The following DHX29 variants were observed in gnomAD, a reference collection of about 807,000 sequenced individuals.
The protein encoded by DHX29 is ATP-dependent RNA helicase DHX29.
Under a neutral mutation model 167.9 loss-of-function variants are expected in DHX29, and 79 were observed. That is an observed-to-expected ratio of 0.47 (90% CI 0.39 to 0.57). The LOEUF is 0.57. DHX29 is among the 20% of genes least tolerant of loss of function. The pLI is 0.00. For missense variants in DHX29, 1,347 were observed against 1,593.4 expected, an observed-to-expected ratio of 0.85 and a Z score of 2.63; for synonymous variants, 530 against 546.0, an observed-to-expected ratio of 0.97 and a Z score of 0.41.
Position 55,289,448 on chromosome 5 carries a change from A to G in DHX29, c.908-20T>C. 4.6e-6 allele frequency: 7 copies of G among 1,507,616 alleles called. No individual in the cohort carries two copies. Among genetic ancestry groups the G allele is most frequent in the Non-Finnish European group, 6.2e-6 (7 of 1,137,140 alleles). The allele number at this position is 1,507,616 out of a possible 1,614,324, so 93.4% of individuals were successfully genotyped here. ...CCATTTCTACCAAGAAAAAAATATAATGTTTAGTTTCATGGTTTTAAAAAA... is the reference window on the plus strand; with the variant it reads ...CCATTTCTACCAAGAAAAAAATATAGTGTTTAGTTTCATGGTTTTAAAAAA... On this transcript the variant is annotated intron_variant, in intron 7 of 26. Transcript: ENST00000251636.
intron 12 of DHX29, among the ~76,000 whole-genome samples, chr5:55,277,829 C>T (rs977822084): frequency 7.4e-5 from 11 of 148,988 alleles, no homozygotes; most frequent in African/African-American, 2.5e-4. Context: ...TCACTTGAAC[C>T]GAGGAGACAG....
At chr5:55,265,989 C>G (rs1372230424) in intron 23 of DHX29, among the ~76,000 whole-genome samples, 1 of 145,404 alleles carries the variant, frequency 6.9e-6, no homozygotes, top group African/African-American at 2.5e-5. Flanking sequence ...CTCCTTTCAA[C>G]TTTTTTTTTT....
chr5:55,282,895 G>A (rs1747506223), intron 11 of DHX29: 1 of 190,988 alleles, frequency 5.2e-6, no homozygotes, highest in Admixed American at 5.9e-5. Context: ...AGTAGAATTT[G>A]AGTTTGTCCA....
intron 1 of DHX29, among the ~76,000 whole-genome samples, chr5:55,300,783 G>A (rs1277125040): frequency 6.6e-6 from 1 of 152,170 alleles, no homozygotes; most frequent in African/African-American, 2.4e-5. Context: ...AATAATATCC[G>A]TTTTTGCAAA....
At chr5:55,298,487 A>G in intron 2 of DHX29, 104 bp downstream of exon 2, 1 of 681,444 alleles carries the variant, frequency 1.5e-6, no homozygotes, top group Admixed American at 2.7e-5. Flanking sequence ...TATTTACAAA[A>G]ATTTAAAACA....
chr5:55,290,970 G>A (rs1262764129), intron 6 of DHX29, among the ~76,000 whole-genome samples: 5 of 152,088 alleles, frequency 3.3e-5, no homozygotes, highest in East Asian at 3.9e-4. Context: ...AGCTGAGATC[G>A]TACCACTGCA....
Position 55,307,606 on chromosome 5 carries a change from C to T in DHX29, c.-33G>A, listed in dbSNP as rs1156375796. On this transcript the variant is annotated 5_prime_UTR_variant, in exon 1 of 27. Transcript: ENST00000251636. ...CTGTGGCAGAAGATCCTTCGCGGCC[C>T]AGGCCCCGACGGTACCACTGCACAG... 1.2e-6 allele frequency: 2 copies of T among 1,610,092 alleles called. No individual in the cohort carries two copies. The highest frequency in any genetic ancestry group is 1.7e-6 in the Non-Finnish European group (2 of 1,179,488).
chr5:55,298,528 T>C, intron 2 of DHX29, 63 bp downstream of exon 2: 2 of 1,001,170 alleles, frequency 2.0e-6, no homozygotes, highest in South Asian at 1.4e-5. Context: ...TAAGGATACA[T>C]CTTTTTTGGG....
chr5:55,301,321 G>T (rs1183612310), intron 1 of DHX29, among the ~76,000 whole-genome samples: 3 of 152,128 alleles, frequency 2.0e-5, no homozygotes, highest in Non-Finnish European at 4.4e-5. Context: ...AAACATCTCA[G>T]AATTATTATG....
At chr5:55,307,287 A>C (rs548410827) in intron 1 of DHX29, 100 bp downstream of exon 1, 1 of 1,006,540 alleles carries the variant, frequency 9.9e-7, no homozygotes, top group Non-Finnish European at 1.4e-6. Flanking sequence ...GGAAATAGAA[A>C]TGTTGGGCCC....
chr5:55,307,664 C>T lies in DHX29; in HGVS notation c.-91G>A. On this transcript the variant is annotated 5_prime_UTR_variant, in exon 1 of 27. Coordinates refer to ENST00000251636, the MANE Select transcript of DHX29 (RefSeq NM_019030.4). ...CTCTTCACATTCCCCGGCTCCGGGG[C>T]TGCCACCCTGCGCTTCGATCCGGGC... 4 of 1,485,880 alleles carry T rather than the reference C, an allele frequency of 2.7e-6. No homozygotes were observed. In the South Asian group the frequency reaches 3.6e-5, roughly 13 times the overall value. 92.0% of individuals were successfully genotyped at this position (1,485,880 alleles called of 1,614,324 possible). A position where few individuals can be genotyped will look rare whatever the true frequency, so the allele number is the denominator to read the frequency against.
chr5:55,305,854 G>C (rs1001090980), intron 1 of DHX29, among the ~76,000 whole-genome samples: 5 of 152,178 alleles, frequency 3.3e-5, no homozygotes, highest in Admixed American at 2.6e-4. Flanking sequence ...GCTTGGAAGA[G>C]AGGCCATCTA....
chr5:55,273,233 A>C, intron 17 of DHX29, 60 bp downstream of exon 17: 32 of 1,476,822 alleles, frequency 2.2e-5, no homozygotes, highest in Non-Finnish European at 2.7e-5. Context: ...AAAAAGTTAT[A>C]CGGCCATCAT....
Position 55,297,391 on chromosome 5 carries a change from A to G in DHX29, c.269T>C (p.Ile90Thr). Reference sequence around the variant, plus strand: ...AATTCTTTGCTCTAGTTTGTTATTAATTACCACCTGTTGAGGCCAAAAAGG... The same window carrying G: ...AATTCTTTGCTCTAGTTTGTTATTAGTTACCACCTGTTGAGGCCAAAAAGG... ...NLDKSILKVVINNKLEQRIIG... is the reference protein window; with the variant it reads ...NLDKSILKVVTNNKLEQRIIG... The change falls in exon 3 of 27, where the codon ATT (isoleucine) becomes ACT (threonine). Residue 90 changes from isoleucine (I) to threonine (T), a missense_variant. Transcript: ENST00000251636. 3.6e-6 allele frequency: 5 copies of G among 1,386,736 alleles called. No homozygotes were observed. Among genetic ancestry groups the G allele is most frequent in the Non-Finnish European group, 5.1e-6 (5 of 978,164 alleles). The allele number at this position is 1,386,736 out of a possible 1,614,324, so 85.9% of individuals were successfully genotyped here.
At chr5:55,264,264 C>T (rs1234084932) in intron 23 of DHX29, among the ~76,000 whole-genome samples, 1 of 152,186 alleles carries the variant, frequency 6.6e-6, no homozygotes. Context: ...ATTTTAACTA[C>T]ACTTCTACTC....
chr5:55,305,218 A>C (rs1748801748), intron 1 of DHX29, among the ~76,000 whole-genome samples: 1 of 152,254 alleles, frequency 6.6e-6, no homozygotes, highest in South Asian at 2.1e-4. Context: ...AGAATGATTT[A>C]AACAACTATG....
chr5:55,280,720 C>T (rs1747357686), intron 12 of DHX29, among the ~76,000 whole-genome samples: 1 of 152,158 alleles, frequency 6.6e-6, no homozygotes, highest in Non-Finnish European at 1.5e-5. Flanking sequence ...GCACATTCAG[C>T]ATTCATCATT....
chr5:55,303,806 T>C (rs546084884), intron 1 of DHX29, among the ~76,000 whole-genome samples: 37 of 152,312 alleles, frequency 2.4e-4, no homozygotes, highest in African/African-American at 8.4e-4. Context: ...CAAACCAAAA[T>C]AGACCCTCCA....
At chr5:55,277,389 A>T in intron 12 of DHX29, 107 bp from the exon 13 acceptor site, 1 of 650,436 alleles carries the variant, frequency 1.5e-6, no homozygotes, top group Non-Finnish European at 2.6e-6. Context: ...TCAATATCTA[A>T]GTACAGTCAG....
Sources: allele counts gnomAD v4.1 joint callset (sites outside exome capture counted in the v4.1 genomes callset), GRCh38; gene constraint gnomAD v4.1.1; transcripts MANE v1.5; gene names NCBI Gene and HGNC (gene_info 2026-07-23, HGNC 2026-07-21).